SNAP25: variants seen among roughly 807,000 people sequenced by gnomAD.
SNAP25 encodes synaptosomal-associated protein 25.
Under a neutral mutation model 28.7 loss-of-function variants are expected in SNAP25, and 3 were observed. The observed-to-expected ratio is 0.10, with a 90% confidence interval of 0.05 to 0.27. The LOEUF is 0.27. SNAP25 is among the 10% of genes least tolerant of loss of function. The probability of loss-of-function intolerance (pLI) is 1.00; values close to 1 mark genes in which losing one functional copy is unlikely to be tolerated. For synonymous variants in SNAP25, 61 were observed against 88.1 expected (o/e 0.69, Z 1.72); for missense variants, 117 against 278.7 (o/e 0.42, Z 4.13).
intron 4 of SNAP25, among the ~76,000 whole-genome samples, chr20:10,288,014 TG>T (rs966698434): frequency 3.7e-5 from 5 of 133,518 alleles, no homozygotes; most frequent in African/African-American, 1.5e-4. Flanking sequence ...TCTTGTGGGG[TG>T]GGGGGAGAGG....
At chr20:10,259,813 A>G (rs1268933757) in intron 1 of SNAP25, among the ~76,000 whole-genome samples, 2 of 152,224 alleles carry the variant, frequency 1.3e-5, no homozygotes, top group African/African-American at 2.4e-5. Flanking sequence ...CTAGGATTAT[A>G]GGCTTGAGCC....
Position 10,255,613 on chromosome 20 carries a change from C to T in SNAP25, c.-63-19816C>T, listed in dbSNP as rs363055. Among the ~76,000 whole-genome samples, 1,191 of 152,288 alleles carry T rather than the reference C, an allele frequency of 7.8e-3. 15 individuals are homozygous for T. Among genetic ancestry groups the T allele is most frequent in the Non-Finnish European group, 8.4e-3 (571 of 68,036 alleles). ...GAGTACAACTTGAGTACTAGAATTACTAATGAAGTACAACTCATTAAAAAT... is the reference window on the plus strand; with the variant it reads ...GAGTACAACTTGAGTACTAGAATTATTAATGAAGTACAACTCATTAAAAAT... On this transcript the variant is annotated intron_variant, in intron 1 of 7. Coordinates refer to ENST00000254976, the MANE Select transcript of SNAP25 (RefSeq NM_130811.4).
intron 3 of SNAP25, among the ~76,000 whole-genome samples, chr20:10,282,751 A>G (rs1462557599): frequency 6.6e-6 from 1 of 152,214 alleles, no homozygotes; most frequent in Non-Finnish European, 1.5e-5. Flanking sequence ...TGCCCTCAGC[A>G]GAACCTGCAT....
At chr20:10,304,119 T>C (rs946976714) in intron 7 of SNAP25, among the ~76,000 whole-genome samples, 26 of 152,220 alleles carry the variant, frequency 1.7e-4, no homozygotes, top group African/African-American at 6.3e-4. Context: ...TAGTAAGTGA[T>C]GAATAGTGTG....
intron 1 of SNAP25, among the ~76,000 whole-genome samples, chr20:10,226,436 A>T (rs1749159176): frequency 6.6e-6 from 1 of 152,152 alleles, no homozygotes; most frequent in Admixed American, 6.5e-5. Context: ...TAATTAATCC[A>T]TTGAACAAAT....
chr20:10,260,704 CACACACACACACACACACAA>C (rs2063396473), intron 1 of SNAP25, among the ~76,000 whole-genome samples: 1 of 149,924 alleles, frequency 6.7e-6, no homozygotes. Context: ...CACACACACA[CACACACACACACACACACAA>C]ACACACACAC....
chr20:10,219,261 CCT>C (rs1251633865), intron 1 of SNAP25: 1 of 152,122 alleles, frequency 6.6e-6, no homozygotes, highest in Admixed American at 6.5e-5. Context: ...AGTGGGACCC[CCT>C]CTTTCTTCCA....
chr20:10,282,630 A>G (rs2063801637), intron 3 of SNAP25, among the ~76,000 whole-genome samples: 1 of 152,202 alleles, frequency 6.6e-6, no homozygotes, highest in South Asian at 2.1e-4. Flanking sequence ...GGACTGACCA[A>G]ACTAAAATCA....
At chr20:10,286,385 G>C (rs192243284) in intron 4 of SNAP25, among the ~76,000 whole-genome samples, 1 of 152,164 alleles carries the variant, frequency 6.6e-6, no homozygotes, top group African/African-American at 2.4e-5. Context: ...GAGCTGCCGG[G>C]AGCAGGCAGA....
intron 3 of SNAP25, 170 bp downstream of exon 3, chr20:10,277,896 G>A: frequency 3.3e-6 from 2 of 606,272 alleles, no homozygotes; most frequent in Non-Finnish European, 5.7e-6. Flanking sequence ...TTGCCAGATA[G>A]CCATGAAGAC....
intron 7 of SNAP25, among the ~76,000 whole-genome samples, chr20:10,301,624 TATG>T (rs2064238379): frequency 6.6e-6 from 1 of 152,010 alleles, no homozygotes; most frequent in Admixed American, 6.6e-5. Flanking sequence ...AGGAGAGTCT[TATG>T]ATGTTTCTCT....
intron 1 of SNAP25, among the ~76,000 whole-genome samples, chr20:10,225,174 A>G (rs1024911141): frequency 6.6e-6 from 1 of 152,040 alleles, no homozygotes; most frequent in African/African-American, 2.4e-5. Flanking sequence ...AGTTGGTGGT[A>G]CAATGTTGAT....
intron 6 of SNAP25, among the ~76,000 whole-genome samples, chr20:10,298,386 T>C (rs932791096): frequency 1.3e-5 from 2 of 152,234 alleles, no homozygotes; most frequent in South Asian, 2.1e-4. Flanking sequence ...CCAGTCTGCA[T>C]TGGGAGTTAC....
At chr20:10,295,942 C>T (rs935290222) in intron 5 of SNAP25, among the ~76,000 whole-genome samples, 2 of 152,126 alleles carry the variant, frequency 1.3e-5, no homozygotes, top group Admixed American at 6.5e-5. Context: ...CCATTACAAC[C>T]CCAGGATAGT....
At chr20:10,228,250 G>A (rs934868677) in intron 1 of SNAP25, among the ~76,000 whole-genome samples, 3 of 152,152 alleles carry the variant, frequency 2.0e-5, no homozygotes, top group Non-Finnish European at 2.9e-5. Flanking sequence ...AATGTCTACT[G>A]TGTGCTGCAC....
chr20:10,226,823 A>G (rs566493692), intron 1 of SNAP25, among the ~76,000 whole-genome samples: 1 of 152,260 alleles, frequency 6.6e-6, no homozygotes, highest in East Asian at 1.9e-4. Flanking sequence ...ATGGCAATCA[A>G]CTAGGATGTC....
intron 1 of SNAP25, among the ~76,000 whole-genome samples, chr20:10,220,096 T>G (rs1041072766): frequency 1.5e-4 from 23 of 152,202 alleles, no homozygotes; most frequent in African/African-American, 5.5e-4. Context: ...GCATAAGTAC[T>G]GTATATATGA....
intron 1 of SNAP25, among the ~76,000 whole-genome samples, chr20:10,254,839 G>A (rs371494258): frequency 4.6e-5 from 7 of 152,162 alleles, no homozygotes; most frequent in South Asian, 4.1e-4. Flanking sequence ...GGGCAGTCTC[G>A]GAGCCTCATG....
chr20:10,273,023 T>C (rs938611366), intron 1 of SNAP25, among the ~76,000 whole-genome samples: 1 of 152,172 alleles, frequency 6.6e-6, no homozygotes, highest in Non-Finnish European at 1.5e-5. Context: ...CCATCCTTGT[T>C]GAGAAAGCAA....
Sources: gnomAD v4.1 joint callset for allele counts (sites outside exome capture counted in the v4.1 genomes callset) on GRCh38, gnomAD v4.1.1 for gene constraint, MANE v1.5 for transcripts, NCBI Gene and HGNC (gene_info 2026-07-23, HGNC 2026-07-21) for gene names.